The following TMTC2 variants were observed in gnomAD, a reference collection of about 807,000 sequenced individuals.
TMTC2 encodes the protein protein O-mannosyl-transferase TMTC2.
Under a neutral mutation model 82.4 loss-of-function variants are expected in TMTC2, and 43 were observed. The observed-to-expected ratio is 0.52, with a 90% CI of 0.41 to 0.67. The LOEUF is 0.67. Among genes scored for constraint, TMTC2 ranks in the 30% least tolerant of loss-of-function variants. The pLI is 0.00. For synonymous variants in TMTC2, 408 were observed against 381.9 expected (o/e 1.07, Z -0.80); for missense variants, 919 against 1,012.4 (o/e 0.91, Z 1.25).
intron 1 of TMTC2, among the ~76,000 whole-genome samples, chr12:82,772,369 T>C (rs2136997004): frequency 6.6e-6 from 1 of 152,320 alleles, no homozygotes; most frequent in East Asian, 1.9e-4. Context: ...AGTGGAGTCT[T>C]GAAAGACTGT....
intron 8 of TMTC2, among the ~76,000 whole-genome samples, chr12:83,023,092 T>C (rs1399591217): frequency 6.6e-6 from 1 of 152,236 alleles, no homozygotes; most frequent in Admixed American, 6.5e-5. Flanking sequence ...TTAATGCTTT[T>C]CATATGTGTC....
intron 11 of TMTC2, among the ~76,000 whole-genome samples, chr12:83,077,455 G>A (rs1883317229): frequency 6.6e-6 from 1 of 151,876 alleles, no homozygotes; most frequent in East Asian, 1.9e-4. Context: ...ACACACTCAG[G>A]TTTATAAGGA....
At chr12:83,115,769 C>T (rs1318936149) in intron 11 of TMTC2, among the ~76,000 whole-genome samples, 2 of 151,630 alleles carry the variant, frequency 1.3e-5, no homozygotes, top group East Asian at 3.9e-4. Context: ...TACACTGTAC[C>T]CTATTGTAGT....
intron 1 of TMTC2, among the ~76,000 whole-genome samples, chr12:82,697,356 G>GA (rs1237151345): frequency 5.0e-4 from 69 of 138,604 alleles, no homozygotes; most frequent in Non-Finnish European, 7.3e-4. Context: ...AAAAAAAAAG[G>GA]AAAAAAAAAC....
At chr12:82,806,747 C>T (rs972071126) in intron 1 of TMTC2, among the ~76,000 whole-genome samples, 2 of 151,988 alleles carry the variant, frequency 1.3e-5, no homozygotes, top group African/African-American at 4.8e-5. Context: ...AGAAGTGGAT[C>T]GTTATAAAAG....
intron 1 of TMTC2, among the ~76,000 whole-genome samples, chr12:82,818,507 A>G (rs1307062437): frequency 2.0e-5 from 3 of 152,170 alleles, no homozygotes; most frequent in Non-Finnish European, 4.4e-5. Context: ...GGTTAATTGC[A>G]AGGTTCTCCA....
At chr12:82,752,164 TTTC>T (rs1430308465) in intron 1 of TMTC2, among the ~76,000 whole-genome samples, 36 of 151,234 alleles carry the variant, frequency 2.4e-4, no homozygotes, top group African/African-American at 8.8e-4. Context: ...TTTTTTTTTT[TTTC>T]TGAAGGCTTT....
intron 2 of TMTC2, among the ~76,000 whole-genome samples, chr12:82,885,558 T>G (rs571340498): frequency 6.6e-6 from 1 of 151,122 alleles, no homozygotes; most frequent in South Asian, 2.1e-4. Context: ...TCTATAGAGA[T>G]AGGATTTTAT....
chr12:82,833,149 T>C (rs1869841081), intron 1 of TMTC2, among the ~76,000 whole-genome samples: 1 of 152,234 alleles, frequency 6.6e-6, no homozygotes, highest in African/African-American at 2.4e-5. Flanking sequence ...AATGTTGCCA[T>C]ATATTCTGGA....
chr12:82,721,285 G>A (rs1192915795), intron 1 of TMTC2, among the ~76,000 whole-genome samples: 1 of 152,166 alleles, frequency 6.6e-6, no homozygotes, highest in Non-Finnish European at 1.5e-5. Context: ...ATAAGGGGAT[G>A]CTACCTGGTT....
intron 2 of TMTC2, among the ~76,000 whole-genome samples, chr12:82,866,610 G>A (rs1871879717): frequency 1.3e-5 from 2 of 152,142 alleles, no homozygotes; most frequent in Admixed American, 1.3e-4. Flanking sequence ...GATACCTGCT[G>A]CCTGGGGGAA....
intron 1 of TMTC2, among the ~76,000 whole-genome samples, chr12:82,733,903 C>T (rs1874958224): frequency 6.6e-6 from 1 of 152,056 alleles, no homozygotes; most frequent in South Asian, 2.1e-4. Context: ...TGCCAGGATA[C>T]GAAAAAGCAA....
chr12:82,808,570 A>G (rs772940544), intron 1 of TMTC2, among the ~76,000 whole-genome samples: 5 of 151,974 alleles, frequency 3.3e-5, no homozygotes, highest in African/African-American at 1.2e-4. Flanking sequence ...TACTCCTTTC[A>G]TTTCTTCATC....
At chr12:82,771,712 A>G (rs568237261) in intron 1 of TMTC2, among the ~76,000 whole-genome samples, 19 of 152,350 alleles carry the variant, frequency 1.2e-4, no homozygotes, top group Middle Eastern at 3.4e-3. Context: ...ATGCATAAAT[A>G]ACTAATGAAC....
Position 82,912,886 on chromosome 12 carries a change from C to A in TMTC2, c.1483+16240C>A, listed in dbSNP as rs997357611. Among the ~76,000 whole-genome samples, 3 of 144,984 alleles carry A rather than the reference C, an allele frequency of 2.1e-5. No homozygotes were observed. In the Admixed American group the frequency reaches 2.2e-4, roughly 10 times the overall value. ...CTGGGGAGGTCGAAGCTGCAGTACG[C>A]TATGGTCACGCCACTGCACTCCAGC... On this transcript the variant is annotated intron_variant, in intron 3 of 11. Transcript: ENST00000321196.
At chr12:82,907,241 A>G (rs1453353702) in intron 3 of TMTC2, among the ~76,000 whole-genome samples, 1 of 151,956 alleles carries the variant, frequency 6.6e-6, no homozygotes, top group Non-Finnish European at 1.5e-5. Flanking sequence ...AGTCGGGTGA[A>G]TCATGAGGTC....
chr12:82,694,847 TA>T (rs572124846), intron 1 of TMTC2, among the ~76,000 whole-genome samples: 11 of 152,118 alleles, frequency 7.2e-5, no homozygotes, highest in African/African-American at 2.7e-4. Context: ...GGAAACGGTA[TA>T]AAAAATTGCC....
At chr12:83,031,908 C>T (rs1254210416) in intron 9 of TMTC2, among the ~76,000 whole-genome samples, 2 of 152,086 alleles carry the variant, frequency 1.3e-5, no homozygotes, top group South Asian at 2.1e-4. Context: ...AGCATTAATG[C>T]GGGATGGTAC....
intron 1 of TMTC2, among the ~76,000 whole-genome samples, chr12:82,849,060 A>T (rs1171510106): frequency 6.6e-6 from 1 of 152,086 alleles, no homozygotes; most frequent in Non-Finnish European, 1.5e-5. Flanking sequence ...GAAGGCTGTG[A>T]ATGCGAGCTG....
Sources: allele counts gnomAD v4.1 joint callset (sites outside exome capture counted in the v4.1 genomes callset), GRCh38; gene constraint gnomAD v4.1.1; transcripts MANE v1.5; gene names NCBI Gene and HGNC (gene_info 2026-07-23, HGNC 2026-07-21).